Variants in PNPLA8 observed in about 807,000 individuals in gnomAD.
PNPLA8 encodes the protein patatin like domain 8, phospholipase A2.
A neutral mutation model predicts 76.9 loss-of-function variants in PNPLA8; 39 were observed. That is an observed-to-expected ratio of 0.51 (90% CI 0.39 to 0.66). The LOEUF (loss-of-function observed/expected upper bound fraction) is 0.66. PNPLA8 is among the 30% of genes least tolerant of loss of function. PNPLA8 has a pLI of 0.00. For synonymous variants in PNPLA8, 301 were observed against 307.9 expected, an observed-to-expected ratio of 0.98 and a Z score of 0.24; for missense variants, 887 against 918.0, an observed-to-expected ratio of 0.97 and a Z score of 0.44.
At chr7:108,490,341 A>G (rs1214241459) in intron 8 of PNPLA8, among the ~76,000 whole-genome samples, 1 of 152,250 alleles carries the variant, frequency 6.6e-6, no homozygotes, top group African/African-American at 2.4e-5. Context: ...GTAGTAGGCT[A>G]TACCATCTAA....
chr7:108,504,820 T>C (rs1862222265), intron 4 of PNPLA8, among the ~76,000 whole-genome samples: 1 of 152,262 alleles, frequency 6.6e-6, no homozygotes, highest in African/African-American at 2.4e-5. Flanking sequence ...CTCACGCCTG[T>C]AATCCCAGCA....
intron 4 of PNPLA8, chr7:108,510,485 G>T: frequency 7.1e-7 from 1 of 1,413,256 alleles, no homozygotes; most frequent in Non-Finnish European, 9.9e-7. Context: ...TGTACCTGCA[G>T]AACCCAAACT....
At chr7:108,488,026 T>C (rs1328515644) in intron 8 of PNPLA8, 73 bp from the exon 9 acceptor site, 13 of 811,540 alleles carry the variant, frequency 1.6e-5, no homozygotes, top group Admixed American at 4.7e-5. Flanking sequence ...TTAAATACTA[T>C]TTAGTAGTAT....
At chr7:108,524,899 T>C (rs1371351013) in intron 1 of PNPLA8, among the ~76,000 whole-genome samples, 1 of 152,208 alleles carries the variant, frequency 6.6e-6, no homozygotes, top group Non-Finnish European at 1.5e-5. Context: ...TGAAGCAATA[T>C]GCAGCTTCAG....
intron 10 of PNPLA8, among the ~76,000 whole-genome samples, chr7:108,473,209 G>C (rs1859746975): frequency 6.6e-6 from 1 of 152,078 alleles, no homozygotes; most frequent in South Asian, 2.1e-4. Context: ...CTTCTTTTAT[G>C]GACAAAATAC....
In PNPLA8 at chr7:108,526,069, C is replaced by A. The variant is rs1377299646; in HGVS notation, c.-170G>T. 2.0e-6 allele frequency: 2 copies of A among 985,582 alleles called. No individual in the cohort carries two copies. The highest frequency in any genetic ancestry group is 2.4e-6 in the Non-Finnish European group (2 of 830,066). 61.1% of individuals were successfully genotyped at this position (985,582 alleles called of 1,614,324 possible). A position where few individuals can be genotyped will look rare whatever the true frequency, so the allele number is the denominator to read the frequency against. Reference sequence around the variant, plus strand: ...AGTCACTAGGGCTGCAGCGGCGACTCGCTCGTTCCCGGCAATGACGTCCAC... The same window carrying A: ...AGTCACTAGGGCTGCAGCGGCGACTAGCTCGTTCCCGGCAATGACGTCCAC... On this transcript the variant is annotated 5_prime_UTR_variant, in exon 1 of 11. Coordinates refer to ENST00000257694, the MANE Select transcript of PNPLA8 (RefSeq NM_001256007.3).
intron 4 of PNPLA8, among the ~76,000 whole-genome samples, chr7:108,513,686 G>C (rs1490654863): frequency 6.6e-6 from 1 of 151,976 alleles, no homozygotes; most frequent in East Asian, 1.9e-4. Flanking sequence ...GCAAAGAAAA[G>C]CTCATTGTTT....
chr7:108,477,359 T>C (rs191469994), intron 10 of PNPLA8, among the ~76,000 whole-genome samples: 25 of 152,318 alleles, frequency 1.6e-4, no homozygotes, highest in Admixed American at 3.3e-4. Flanking sequence ...ATCTAGCACA[T>C]GAGCTTTTTT....
At chr7:108,473,475 TAA>T (rs932161158) in intron 10 of PNPLA8, among the ~76,000 whole-genome samples, 1 of 152,004 alleles carries the variant, frequency 6.6e-6, no homozygotes, top group South Asian at 2.1e-4. Context: ...ATGCTTATTT[TAA>T]AAAAAACCTG....
chr7:108,475,329 G>GC (rs1040275960), intron 10 of PNPLA8, among the ~76,000 whole-genome samples: 7 of 151,672 alleles, frequency 4.6e-5, no homozygotes, highest in African/African-American at 7.3e-5. Flanking sequence ...TCCCCTCCCC[G>GC]CCCCCATGTG....
At chr7:108,477,638 T>C (rs558073096) in intron 10 of PNPLA8, among the ~76,000 whole-genome samples, 1 of 152,244 alleles carries the variant, frequency 6.6e-6, no homozygotes, top group East Asian at 1.9e-4. Flanking sequence ...GGCAGGAGGA[T>C]CACTTAAAGT....
rs564709039 is a variant in PNPLA8, at chr7:108,485,218, T to C, written c.1878+2541A>G. 3.9e-4 allele frequency among the ~76,000 whole-genome samples: 60 copies of C among 152,260 alleles called. 1 individual carries two copies. Among genetic ancestry groups the C allele is most frequent in the African/African-American group, 1.4e-3 (58 of 41,576 alleles). ...AGATGGAAAGAGAGAAGGAATAATTTTGTTTAAAAAGTAGTACTTCCATGT... is the reference window on the plus strand; with the variant it reads ...AGATGGAAAGAGAGAAGGAATAATTCTGTTTAAAAAGTAGTACTTCCATGT... On this transcript the variant is annotated intron_variant, in intron 9 of 10. Transcript: ENST00000257694.
At chr7:108,508,086 C>T (rs1862594794) in intron 4 of PNPLA8, among the ~76,000 whole-genome samples, 3 of 37,578 alleles carry the variant, frequency 8.0e-5, no homozygotes, top group Admixed American at 3.2e-4. Flanking sequence ...TGGGCAAAAA[C>T]TGGAAGCATT....
chr7:108,481,991 G>T (rs548431536), intron 9 of PNPLA8, among the ~76,000 whole-genome samples: 236 of 152,168 alleles, frequency 1.6e-3, no homozygotes, highest in African/African-American at 5.4e-3. Flanking sequence ...AATTGCTTTT[G>T]TATCTTTGTC....
intron 10 of PNPLA8, among the ~76,000 whole-genome samples, chr7:108,478,073 T>C (rs1860124387): frequency 6.6e-6 from 1 of 152,064 alleles, no homozygotes; most frequent in Admixed American, 6.6e-5. Flanking sequence ...ATGAGATAAA[T>C]GCTGTAAGAG....
intron 4 of PNPLA8, among the ~76,000 whole-genome samples, chr7:108,504,650 G>A (rs1862209390): frequency 6.6e-6 from 1 of 152,172 alleles, no homozygotes; most frequent in African/African-American, 2.4e-5. Context: ...AATATAACAT[G>A]TCAAGAATAG....
At chr7:108,484,497 A>T (rs1010200865) in intron 9 of PNPLA8, among the ~76,000 whole-genome samples, 1 of 152,094 alleles carries the variant, frequency 6.6e-6, no homozygotes, top group Non-Finnish European at 1.5e-5. Flanking sequence ...AAGTGCTGGG[A>T]TTACAGGTGT....
intron 5 of PNPLA8, among the ~76,000 whole-genome samples, chr7:108,500,107 G>T (rs1861831814): frequency 6.6e-6 from 1 of 151,818 alleles, no homozygotes; most frequent in African/African-American, 2.4e-5. Flanking sequence ...TGTTTTGTTT[G>T]CTCACTGTCC....
chr7:108,475,757 C>G (rs2154514667), intron 10 of PNPLA8, among the ~76,000 whole-genome samples: 1 of 152,214 alleles, frequency 6.6e-6, no homozygotes, highest in East Asian at 1.9e-4. Flanking sequence ...TGTAGAAACT[C>G]TTTTCAGGCA....
Sources: allele counts gnomAD v4.1 joint callset (sites outside exome capture counted in the v4.1 genomes callset), GRCh38; gene constraint gnomAD v4.1.1; transcripts MANE v1.5; gene names NCBI Gene and HGNC (gene_info 2026-07-23, HGNC 2026-07-21).